CTNNA1: variants seen among roughly 807,000 people sequenced by gnomAD.
CTNNA1 encodes catenin alpha 1, also known as catenin alpha-1.
CTNNA1 carries 37 observed loss-of-function variants against 98.4 expected under a neutral mutation model. That is an observed-to-expected ratio of 0.38 (90% CI 0.29 to 0.49). CTNNA1 has a LOEUF of 0.49. CTNNA1 is among the 20% of genes least tolerant of loss of function. CTNNA1 has a pLI of 0.95. For synonymous variants in CTNNA1, 404 were observed against 413.2 expected (o/e 0.98, Z 0.27); for missense variants, 761 against 1,147.2 (o/e 0.66, Z 4.86).
chr5:138,787,405 G>A (rs1240742901), intron 3 of CTNNA1, among the ~76,000 whole-genome samples: 2 of 151,900 alleles, frequency 1.3e-5, no homozygotes, highest in Non-Finnish European at 2.9e-5. Context: ...GTGACAGAGC[G>A]AGACTCCGTC....
Position 138,904,389 on chromosome 5 carries a change from G to T in CTNNA1, c.1337G>T (p.Gly446Val). 6.2e-7 allele frequency: 1 copy of T among 1,614,140 alleles called. No individual in the cohort carries two copies. The highest frequency in any genetic ancestry group is 8.5e-7 in the Non-Finnish European group (1 of 1,179,988). ...LACSISNNEE[G>V]VKLVRMSASQ... ...TGTTCCATCTCAAATAATGAAGAAGGTGTAAAGCTTGTTCGAATGTCTGCA... is the reference window on the plus strand; with the variant it reads ...TGTTCCATCTCAAATAATGAAGAAGTTGTAAAGCTTGTTCGAATGTCTGCA... The change falls in exon 10 of 18, where the codon GGT becomes GTT. Residue 446 changes from glycine (G) to valine (V), a missense_variant. Around this residue, in one of 6 missense-constraint regions of CTNNA1, gnomAD observed 287 missense variants for 436.0 expected, o/e 0.66. Coordinates refer to ENST00000302763, the MANE Select transcript of CTNNA1 (RefSeq NM_001903.5).
chr5:138,756,949 G>GT (rs983126517), intron 1 of CTNNA1, among the ~76,000 whole-genome samples: 14 of 151,838 alleles, frequency 9.2e-5, no homozygotes, highest in African/African-American at 3.1e-4. Flanking sequence ...CTATAATCCT[G>GT]TTTTTTTGGG....
intron 9 of CTNNA1, among the ~76,000 whole-genome samples, chr5:138,901,581 C>T (rs1186711035): frequency 1.3e-5 from 2 of 152,182 alleles, no homozygotes; most frequent in Non-Finnish European, 2.9e-5. Context: ...CGTGCCACCA[C>T]ACCCAGCCAA....
At chr5:138,801,472 A>G (rs936654359) in intron 3 of CTNNA1, among the ~76,000 whole-genome samples, 19 of 152,200 alleles carry the variant, frequency 1.2e-4, no homozygotes, top group Non-Finnish European at 1.8e-4. Flanking sequence ...ACAATTTTCA[A>G]TATGCTTATT....
intron 3 of CTNNA1, among the ~76,000 whole-genome samples, chr5:138,787,404 C>T (rs1370103501): frequency 3.3e-5 from 5 of 151,400 alleles, no homozygotes; most frequent in South Asian, 2.1e-4. Context: ...GGTGACAGAG[C>T]GAGACTCCGT....
chr5:138,854,255 A>G (rs983783486), intron 7 of CTNNA1, among the ~76,000 whole-genome samples: 2 of 152,248 alleles, frequency 1.3e-5, no homozygotes, highest in Non-Finnish European at 2.9e-5. Context: ...CACACATTCA[A>G]CTGAGTGGTT....
intron 7 of CTNNA1, among the ~76,000 whole-genome samples, chr5:138,830,181 C>T (rs1215069964): frequency 1.4e-5 from 2 of 138,836 alleles, no homozygotes; most frequent in Non-Finnish European, 3.1e-5. Context: ...AAAAAAAAAC[C>T]CAAAAAATAA....
At chr5:138,922,994 G>A (rs1201507697) in intron 11 of CTNNA1, among the ~76,000 whole-genome samples, 2 of 131,114 alleles carry the variant, frequency 1.5e-5, no homozygotes, top group Admixed American at 1.4e-4. Flanking sequence ...GGAAGTTTGG[G>A]TCACTTTTGA....
At chr5:138,765,947 C>CA (rs1026779147) in intron 1 of CTNNA1, among the ~76,000 whole-genome samples, 2,416 of 43,394 alleles carry the variant, frequency 0.056, 28 homozygotes, top group Non-Finnish European at 0.079. Flanking sequence ...GACTCTGTCT[C>CA]AAAAAAAAAA....
intron 5 of CTNNA1, among the ~76,000 whole-genome samples, chr5:138,815,009 C>T (rs539044605): frequency 6.6e-6 from 1 of 152,166 alleles, no homozygotes; most frequent in African/African-American, 2.4e-5. Context: ...GCCTCGGTCT[C>T]CCAAAGTGCT....
intron 9 of CTNNA1, among the ~76,000 whole-genome samples, chr5:138,902,223 C>A (rs371271097): frequency 1.5e-4 from 23 of 152,280 alleles, no homozygotes; most frequent in African/African-American, 5.5e-4. Context: ...AGAGTACTTA[C>A]GTAATCTTTT....
chr5:138,883,246 A>T (rs1034646485), intron 7 of CTNNA1, among the ~76,000 whole-genome samples: 5 of 152,160 alleles, frequency 3.3e-5, no homozygotes, highest in African/African-American at 1.2e-4. Flanking sequence ...ATGTGTACTC[A>T]TCTCTATTAC....
At chr5:138,888,274 A>C (rs1164212509) in intron 9 of CTNNA1, among the ~76,000 whole-genome samples, 1 of 152,228 alleles carries the variant, frequency 6.6e-6, no homozygotes, top group African/African-American at 2.4e-5. Flanking sequence ...CTTATTTCGC[A>C]GGTAAGTTAG....
intron 9 of CTNNA1, among the ~76,000 whole-genome samples, chr5:138,891,396 C>CTT (rs5871684): frequency 8.4e-4 from 125 of 149,622 alleles, no homozygotes; most frequent in Non-Finnish European, 1.2e-3. Flanking sequence ...TTACAACCTC[C>CTT]TTTTTTTTTT....
intron 1 of CTNNA1, among the ~76,000 whole-genome samples, chr5:138,777,873 G>C (rs1754538987): frequency 8.7e-6 from 1 of 114,956 alleles, no homozygotes; most frequent in Non-Finnish European, 1.7e-5. Flanking sequence ...GGAGACCGTG[G>C]GGAGAGGGAG....
At chr5:138,928,105 C>T (rs1292269632) in intron 13 of CTNNA1, among the ~76,000 whole-genome samples, 1 of 152,158 alleles carries the variant, frequency 6.6e-6, no homozygotes, top group Non-Finnish European at 1.5e-5. Context: ...AGTCCTTGGG[C>T]TGGGCTTGGA....
chr5:138,816,294 G>A (rs547552282), intron 5 of CTNNA1, among the ~76,000 whole-genome samples: 148 of 152,290 alleles, frequency 9.7e-4, no homozygotes, highest in African/African-American at 3.2e-3. Flanking sequence ...GGACACTTAG[G>A]TTGATTCCAT....
At chr5:138,769,763 C>T (rs1057503229) in intron 1 of CTNNA1, among the ~76,000 whole-genome samples, 10 of 151,918 alleles carry the variant, frequency 6.6e-5, no homozygotes, top group African/African-American at 2.2e-4. Flanking sequence ...GAACTCCCGA[C>T]CTCAGGTGAT....
At chr5:138,799,856 A>G (rs1260924846) in intron 3 of CTNNA1, among the ~76,000 whole-genome samples, 1 of 62,188 alleles carries the variant, frequency 1.6e-5, no homozygotes, top group Non-Finnish European at 3.8e-5. Flanking sequence ...GAGTAGATGT[A>G]GATGTATGTA....
Sources: allele counts gnomAD v4.1 joint callset (sites outside exome capture counted in the v4.1 genomes callset), GRCh38; gene constraint gnomAD v4.1.1; regional missense constraint gnomAD v4.1.1; transcripts MANE v1.5; gene names NCBI Gene and HGNC (gene_info 2026-07-23, HGNC 2026-07-21).